FIG4: variants seen among roughly 807,000 people sequenced by gnomAD.
FIG4 encodes FIG4 phosphoinositide 5-phosphatase, also known as polyphosphoinositide phosphatase.
Under a neutral mutation model 118.6 loss-of-function variants are expected in FIG4, and 112 were observed. The ratio of observed to expected loss-of-function variants is 0.94; its 90% CI spans 0.81 to 1.11. FIG4 has a LOEUF of 1.11. FIG4 is among the 50% of genes least tolerant of loss of function. The pLI, the probability that FIG4 is intolerant of heterozygous loss-of-function variation, is 0.00. For synonymous variants in FIG4, 369 were observed against 381.2 expected (o/e 0.97, Z 0.37); for missense variants, 969 against 1,111.7 (o/e 0.87, Z 1.83).
chr6:109,760,292 CTTG>C lies in FIG4; in HGVS notation c.1184_1186del (p.Val395del), dbSNP rs1777062850. 6.2e-7 allele frequency: 1 copy of C among 1,613,566 alleles called. No individual in the cohort carries two copies. Among genetic ancestry groups the C allele is most frequent in the East Asian group, 2.2e-5 (1 of 44,854 alleles). The stretch of plus-strand genomic sequence containing the variant: ...GCATGAAAGAATTCTGAGTGAAGAA[CTTG>C]TTGCTGCTGTGACCTATCTCAACCA... On this transcript the variant is annotated inframe_deletion, in exon 11 of 23. Coordinates refer to ENST00000230124, the MANE Select transcript of FIG4 (RefSeq NM_014845.6).
intron 3 of FIG4, 75 bp from the exon 4 acceptor site, chr6:109,727,034 T>C (rs916575829): frequency 2.8e-6 from 3 of 1,079,846 alleles, no homozygotes; most frequent in Non-Finnish European, 4.3e-6. Flanking sequence ...CAAAGGTCTT[T>C]GGCCTTTTAA....
At chr6:109,822,179 T>C (rs1779024007) in intron 22 of FIG4, among the ~76,000 whole-genome samples, 2 of 152,174 alleles carry the variant, frequency 1.3e-5, no homozygotes, top group Non-Finnish European at 2.9e-5. Flanking sequence ...AAACAAGTGA[T>C]TACTATAGAA....
intron 16 of FIG4, among the ~76,000 whole-genome samples, chr6:109,778,549 A>G (rs1777689096): frequency 6.6e-6 from 1 of 151,538 alleles, no homozygotes; most frequent in African/African-American, 2.4e-5. Context: ...GGGACCATGA[A>G]CAACTGACAG....
At chr6:109,764,622 T>C (rs1777226665) in intron 13 of FIG4, among the ~76,000 whole-genome samples, 1 of 152,132 alleles carries the variant, frequency 6.6e-6, no homozygotes, top group African/African-American at 2.4e-5. Context: ...GCTTTAAGAA[T>C]GATATGGCCC....
intron 1 of FIG4, among the ~76,000 whole-genome samples, chr6:109,711,215 C>T (rs938245550): frequency 5.9e-5 from 9 of 151,956 alleles, no homozygotes; most frequent in Non-Finnish European, 7.4e-5. Flanking sequence ...TTGGCTAACA[C>T]GGTGAAACCC....
intron 18 of FIG4, among the ~76,000 whole-genome samples, chr6:109,788,972 A>G (rs1044730764): frequency 6.6e-6 from 1 of 152,216 alleles, no homozygotes; most frequent in African/African-American, 2.4e-5. Flanking sequence ...TGGTAAATTA[A>G]AAGAGTTTCT....
At chr6:109,757,173 G>T (rs989773952) in intron 10 of FIG4, among the ~76,000 whole-genome samples, 3 of 136,486 alleles carry the variant, frequency 2.2e-5, no homozygotes, top group African/African-American at 7.9e-5. Flanking sequence ...TTGATTTTTT[G>T]AAGAGTTTTT....
At chr6:109,736,148 G>T (rs1465055060) in intron 6 of FIG4, among the ~76,000 whole-genome samples, 1 of 152,066 alleles carries the variant, frequency 6.6e-6, no homozygotes, top group Non-Finnish European at 1.5e-5. Flanking sequence ...TAGTGTCTTT[G>T]GGCTCCTTGC....
At chr6:109,795,594 C>CTTT (rs1562689132) in intron 21 of FIG4, among the ~76,000 whole-genome samples, 16 of 42,406 alleles carry the variant, frequency 3.8e-4, no homozygotes, top group South Asian at 9.9e-4. Flanking sequence ...TGGTTTCAGT[C>CTTT]CTTTTTTTTT....
At chr6:109,810,861 A>G (rs186326089) in intron 22 of FIG4, among the ~76,000 whole-genome samples, 41 of 152,300 alleles carry the variant, frequency 2.7e-4, no homozygotes, top group African/African-American at 9.4e-4. Context: ...AGCTGTCTAT[A>G]GTTGTCCCAG....
chr6:109,693,508 G>A (rs759302589), intron 1 of FIG4, among the ~76,000 whole-genome samples: 17 of 152,172 alleles, frequency 1.1e-4, no homozygotes, highest in Non-Finnish European at 2.1e-4. Flanking sequence ...CCTAAGTAAT[G>A]GAAACTAACT....
chr6:109,757,933 A>G (rs1380714909), intron 10 of FIG4, among the ~76,000 whole-genome samples: 1 of 152,206 alleles, frequency 6.6e-6, no homozygotes, highest in East Asian at 1.9e-4. Context: ...AAGGAGAACT[A>G]CAAACCACTG....
At chr6:109,746,771 T>C (rs1230019674) in intron 10 of FIG4, among the ~76,000 whole-genome samples, 1 of 152,034 alleles carries the variant, frequency 6.6e-6, no homozygotes, top group Non-Finnish European at 1.5e-5. Context: ...AGAAAACAAA[T>C]GGATCGGTAC....
At chr6:109,741,652 A>G (rs1194610972) in intron 8 of FIG4, 108 bp downstream of exon 8, 13 of 804,396 alleles carry the variant, frequency 1.6e-5, no homozygotes, top group Non-Finnish European at 2.8e-5. Flanking sequence ...AGTTTGGGAT[A>G]TTATCAAGAG....
intron 10 of FIG4, among the ~76,000 whole-genome samples, chr6:109,744,227 G>T (rs17612758): frequency 0.3 from 45,427 of 151,848 alleles, 7,351 homozygotes; most frequent in Non-Finnish European, 0.37. Context: ...CATAAACTGG[G>T]GTACTGTTGT....
At chr6:109,765,190 C>T (rs1777244833) in intron 14 of FIG4, 29 bp downstream of exon 14, 1 of 1,602,190 alleles carries the variant, frequency 6.2e-7, no homozygotes, top group Admixed American at 1.7e-5. Context: ...TATTTGAATG[C>T]TGATAATGGC....
At chr6:109,813,169 T>G (rs971864270) in intron 22 of FIG4, among the ~76,000 whole-genome samples, 3 of 152,194 alleles carry the variant, frequency 2.0e-5, no homozygotes, top group Non-Finnish European at 4.4e-5. Context: ...AATCTCAAGC[T>G]TATCTAAAAG....
Position 109,801,591 on chromosome 6 carries a change from A to G in FIG4, c.2546+4740A>G, listed in dbSNP as rs140648156. 7.1e-3 allele frequency among the ~76,000 whole-genome samples: 1,075 copies of G among 152,240 alleles called. 9 individuals carry two copies. Among genetic ancestry groups the G allele is most frequent in the Middle Eastern group, 0.037 (11 of 294 alleles). On this transcript the variant is annotated intron_variant, in intron 22 of 22. Transcript: ENST00000230124. ...AGTGCGCTTACAGTTTTAGGACCATACGCTTGCATTTATCCCCTAAGAATC... is the reference window on the plus strand; with the variant it reads ...AGTGCGCTTACAGTTTTAGGACCATGCGCTTGCATTTATCCCCTAAGAATC...
intron 1 of FIG4, among the ~76,000 whole-genome samples, chr6:109,692,301 C>T (rs891669513): frequency 3.9e-5 from 6 of 152,156 alleles, no homozygotes; most frequent in African/African-American, 1.4e-4. Context: ...TAATATTACC[C>T]ATTTCATGCT....
Sources: allele counts gnomAD v4.1 joint callset (sites outside exome capture counted in the v4.1 genomes callset), GRCh38; gene constraint gnomAD v4.1.1; transcripts MANE v1.5; gene names NCBI Gene and HGNC (gene_info 2026-07-23, HGNC 2026-07-21).